Variants in NKAIN2 observed in about 807,000 individuals in gnomAD.
The protein encoded by NKAIN2 is sodium/potassium-transporting ATPase subunit beta-1-interacting protein 2.
Under a neutral mutation model 32.6 loss-of-function variants are expected in NKAIN2, and 14 were observed. That is an observed-to-expected ratio of 0.43 (90% confidence interval 0.28 to 0.67). The LOEUF (loss-of-function observed/expected upper bound fraction) is 0.67, where lower values mean the gene tolerates loss of function less well. Among genes scored for constraint, NKAIN2 ranks in the 30% least tolerant of loss-of-function variants. The pLI, the probability that NKAIN2 is intolerant of heterozygous loss-of-function variation, is 0.17. For synonymous variants in NKAIN2, 80 were observed against 87.2 expected, an observed-to-expected ratio of 0.92 and a Z score of 0.46; for missense variants, 198 against 258.3, an observed-to-expected ratio of 0.77 and a Z score of 1.60.
At chr6:123,840,084 T>A (rs1286527843) in intron 1 of NKAIN2, among the ~76,000 whole-genome samples, 1 of 152,100 alleles carries the variant, frequency 6.6e-6, no homozygotes, top group Non-Finnish European at 1.5e-5. Context: ...CTTGAAAGCT[T>A]TTTTTCTTCC....
intron 1 of NKAIN2, among the ~76,000 whole-genome samples, chr6:124,182,262 T>C (rs1789484242): frequency 6.6e-6 from 1 of 152,118 alleles, no homozygotes; most frequent in Non-Finnish European, 1.5e-5. Flanking sequence ...TCCCATGACA[T>C]GTGGGAATTA....
intron 3 of NKAIN2, among the ~76,000 whole-genome samples, chr6:124,586,177 C>T (rs1378195255): frequency 6.6e-6 from 1 of 152,074 alleles, no homozygotes; most frequent in East Asian, 1.9e-4. Context: ...TGTAGTTTTG[C>T]CTTTCCAGAA....
intron 2 of NKAIN2, among the ~76,000 whole-genome samples, chr6:124,321,433 C>T (rs1482504855): frequency 2.0e-5 from 3 of 152,028 alleles, no homozygotes; most frequent in Non-Finnish European, 2.9e-5. Flanking sequence ...CAAACCTGCA[C>T]GTTCTGCACA....
chr6:123,871,217 T>G (rs963135064), intron 1 of NKAIN2, among the ~76,000 whole-genome samples: 2 of 152,226 alleles, frequency 1.3e-5, no homozygotes, highest in Non-Finnish European at 2.9e-5. Flanking sequence ...TTCACAGCTG[T>G]ACCATACATA....
chr6:124,429,559 G>C (rs1354372344), intron 3 of NKAIN2, among the ~76,000 whole-genome samples: 1 of 152,076 alleles, frequency 6.6e-6, no homozygotes, highest in East Asian at 1.9e-4. Context: ...TCCAAGACTG[G>C]GGTCATATTT....
At chr6:124,757,941 A>AC (rs1160827219) in intron 4 of NKAIN2, among the ~76,000 whole-genome samples, 1 of 152,206 alleles carries the variant, frequency 6.6e-6, no homozygotes, top group Non-Finnish European at 1.5e-5. Flanking sequence ...AAGGTATGTC[A>AC]CTTTATGAGA....
chr6:124,227,120 G>T (rs2114719984), intron 1 of NKAIN2, among the ~76,000 whole-genome samples: 1 of 148,816 alleles, frequency 6.7e-6, no homozygotes. Flanking sequence ...CTAATACTCT[G>T]AATCTAGTGG....
chr6:124,586,756 C>T lies in NKAIN2; in HGVS notation c.274-71430C>T, dbSNP rs150239850. Among the ~76,000 whole-genome samples, 14 of 152,202 alleles carry T rather than the reference C, an allele frequency of 9.2e-5. No individual in the cohort carries two copies. The East Asian group carries it at 2.7e-3, about 29-fold the overall frequency. ...GTCTGTGTGTAAATATTTATAGCAG[C>T]TTTATTTGTGGTCATCAAAACTGAA... On this transcript the variant is annotated intron_variant, in intron 3 of 6. Coordinates refer to ENST00000368417, the MANE Select transcript of NKAIN2 (RefSeq NM_001040214.3).
At chr6:124,815,258 A>C (rs1034427693) in intron 5 of NKAIN2, among the ~76,000 whole-genome samples, 2 of 143,840 alleles carry the variant, frequency 1.4e-5, no homozygotes, top group Non-Finnish European at 3.1e-5. Flanking sequence ...ATGTATATAT[A>C]TATGTGTATA....
At chr6:124,113,964 T>C (rs993066979) in intron 1 of NKAIN2, among the ~76,000 whole-genome samples, 9 of 152,336 alleles carry the variant, frequency 5.9e-5, no homozygotes, top group Admixed American at 1.3e-4. Flanking sequence ...GCTACATTCT[T>C]GTATGATTAG....
At chr6:123,883,155 AT>A (rs1197843376) in intron 1 of NKAIN2, among the ~76,000 whole-genome samples, 1 of 151,766 alleles carries the variant, frequency 6.6e-6, no homozygotes, top group East Asian at 1.9e-4. Flanking sequence ...AATTATTATT[AT>A]TTTTTTGAGA....
intron 3 of NKAIN2, among the ~76,000 whole-genome samples, chr6:124,441,769 T>C (rs2114597446): frequency 6.6e-6 from 1 of 152,184 alleles, no homozygotes; most frequent in East Asian, 1.9e-4. Context: ...TGGTTTTCTG[T>C]GCAGCGATAA....
chr6:123,930,213 T>C (rs1016733016), intron 1 of NKAIN2, among the ~76,000 whole-genome samples: 1 of 152,180 alleles, frequency 6.6e-6, no homozygotes, highest in African/African-American at 2.4e-5. Flanking sequence ...GTTTTACTGA[T>C]AATTAAGGGC....
chr6:124,617,572 A>C (rs966914160), intron 3 of NKAIN2, among the ~76,000 whole-genome samples: 2 of 152,144 alleles, frequency 1.3e-5, no homozygotes, highest in African/African-American at 4.8e-5. Context: ...TCCAGCTCAT[A>C]TTATGGTATT....
At chr6:124,030,905 GGA>G (rs1385254250) in intron 1 of NKAIN2, among the ~76,000 whole-genome samples, 2 of 152,106 alleles carry the variant, frequency 1.3e-5, no homozygotes, top group Non-Finnish European at 2.9e-5. Context: ...TTCTTGTGCT[GGA>G]GAGTCTCACC....
At chr6:124,489,987 T>A (rs926988338) in intron 3 of NKAIN2, among the ~76,000 whole-genome samples, 1 of 151,844 alleles carries the variant, frequency 6.6e-6, no homozygotes, top group Non-Finnish European at 1.5e-5. Flanking sequence ...ACAATATCAA[T>A]AGCAAGTGCA....
intron 3 of NKAIN2, among the ~76,000 whole-genome samples, chr6:124,566,249 A>G (rs953891604): frequency 2.0e-5 from 3 of 152,142 alleles, no homozygotes; most frequent in Admixed American, 1.3e-4. Context: ...CCATACCCCA[A>G]CCACAAAATC....
At chr6:124,641,718 A>AT (rs1463806773) in intron 3 of NKAIN2, among the ~76,000 whole-genome samples, 1 of 151,026 alleles carries the variant, frequency 6.6e-6, no homozygotes, top group Admixed American at 6.6e-5. Flanking sequence ...TGCCAGCCTT[A>AT]TTTATTTTAT....
chr6:124,005,697 G>A (rs944905229), intron 1 of NKAIN2, among the ~76,000 whole-genome samples: 1 of 152,092 alleles, frequency 6.6e-6, no homozygotes, highest in African/African-American at 2.4e-5. Flanking sequence ...TTGTTTCCTT[G>A]AAGGAAATTT....
Sources: allele counts gnomAD v4.1 joint callset (sites outside exome capture counted in the v4.1 genomes callset), GRCh38; gene constraint gnomAD v4.1.1; transcripts MANE v1.5; gene names NCBI Gene and HGNC (gene_info 2026-07-23, HGNC 2026-07-21).